Variants in RBFOX1 observed in about 807,000 individuals in gnomAD.
The protein encoded by RBFOX1 is RNA binding protein fox-1 homolog 1.
In RBFOX1, 8 loss-of-function variants were observed where a neutral mutation model predicts 57.7. The observed-to-expected ratio is 0.14, with a 90% CI of 0.08 to 0.25. The LOEUF (loss-of-function observed/expected upper bound fraction) is 0.25. Ranked by LOEUF, RBFOX1 falls within the 10% of genes least tolerant of loss-of-function variation. RBFOX1 has a pLI of 1.00. For synonymous variants in RBFOX1, 326 were observed against 222.4 expected (o/e 1.47, Z -4.15); for missense variants, 611 against 548.5 (o/e 1.11, Z -1.14).
At chr16:6,946,326 A>T (rs958473991) in intron 3 of RBFOX1, among the ~76,000 whole-genome samples, 6 of 152,336 alleles carry the variant, frequency 3.9e-5, no homozygotes, top group Middle Eastern at 3.4e-3. Context: ...TATTTACAAA[A>T]ATAGTCAGTG....
intron 3 of RBFOX1, among the ~76,000 whole-genome samples, chr16:6,987,415 G>A (rs1055005973): frequency 1.3e-5 from 2 of 150,844 alleles, no homozygotes; most frequent in Non-Finnish European, 1.5e-5. Flanking sequence ...TATCTCCCGA[G>A]CCACTAGGCT....
intron 1 of RBFOX1, among the ~76,000 whole-genome samples, chr16:6,046,595 G>A (rs2095498143): frequency 6.7e-6 from 1 of 149,944 alleles, no homozygotes; most frequent in Non-Finnish European, 1.5e-5. Flanking sequence ...ACAGAGAAAA[G>A]TAGATACCAA....
At chr16:6,559,118 T>A (rs966046187) in intron 2 of RBFOX1, among the ~76,000 whole-genome samples, 5 of 129,086 alleles carry the variant, frequency 3.9e-5, no homozygotes, top group African/African-American at 1.2e-4. Context: ...CATATGTGTG[T>A]GTGTGTGTGT....
chr16:5,459,348 A>T (rs1207419525), intron 1 of RBFOX1, among the ~76,000 whole-genome samples: 3 of 152,138 alleles, frequency 2.0e-5, no homozygotes, highest in Non-Finnish European at 4.4e-5. Flanking sequence ...ACTGCATCCC[A>T]TGCAGTGTGG....
chr16:5,492,826 A>T (rs1023681613), intron 2 of RBFOX1, among the ~76,000 whole-genome samples: 3 of 152,214 alleles, frequency 2.0e-5, no homozygotes, highest in African/African-American at 7.2e-5. Flanking sequence ...TAAACCATCA[A>T]TAGTGCGGGG....
At chr16:6,892,091 T>G (rs1436733903) in intron 3 of RBFOX1, among the ~76,000 whole-genome samples, 10 of 152,128 alleles carry the variant, frequency 6.6e-5, no homozygotes, top group African/African-American at 2.2e-4. Flanking sequence ...TTTCTTAGTT[T>G]CCTTTACAGC....
At chr16:6,450,851 A>G (rs1275714683) in intron 2 of RBFOX1, among the ~76,000 whole-genome samples, 2 of 64,946 alleles carry the variant, frequency 3.1e-5, no homozygotes, top group South Asian at 4.0e-4. Flanking sequence ...ATATATATAT[A>G]TATATATATA....
intron 4 of RBFOX1, among the ~76,000 whole-genome samples, chr16:7,153,605 T>C (rs1483695837): frequency 7.3e-6 from 1 of 137,324 alleles, no homozygotes; most frequent in African/African-American, 2.7e-5. Context: ...ATGGTGATGG[T>C]GGTGGGGGGA....
In RBFOX1 at chr16:6,122,956, A is replaced by C. The variant is rs548495490; in HGVS notation, c.-127+102964A>C. 2.3e-4 allele frequency among the ~76,000 whole-genome samples: 30 copies of C among 127,876 alleles called. No homozygotes were observed. The South Asian group carries it at 3.7e-3, about 16-fold the overall frequency. 83.9% of individuals were successfully genotyped at this position (127,876 alleles called of 152,430 possible). ...GAAAAATAAAACAATTTTTCAGCAA[A>C]CCATAAAAAAAAAAACTATTGGAAA... On this transcript the variant is annotated intron_variant, in intron 1 of 15. Transcript: ENST00000550418.
intron 1 of RBFOX1, among the ~76,000 whole-genome samples, chr16:5,356,854 A>G (rs186625372): frequency 2.0e-5 from 3 of 152,314 alleles, no homozygotes; most frequent in Admixed American, 6.5e-5. Context: ...TAGTAATACT[A>G]TTGATAATGT....
intron 1 of RBFOX1, among the ~76,000 whole-genome samples, chr16:6,184,984 T>C (rs2097095947): frequency 6.6e-6 from 1 of 152,148 alleles, no homozygotes. Context: ...GAATTGCAGG[T>C]TTACACTTGT....
chr16:5,570,831 C>T (rs1440761129), intron 2 of RBFOX1, among the ~76,000 whole-genome samples: 2 of 90,424 alleles, frequency 2.2e-5, no homozygotes, highest in Admixed American at 1.3e-4. Flanking sequence ...CAGAGTGAAA[C>T]TCTGTCTCAA....
At chr16:6,555,709 C>A (rs1044998386) in intron 2 of RBFOX1, among the ~76,000 whole-genome samples, 7 of 151,356 alleles carry the variant, frequency 4.6e-5, no homozygotes, top group Admixed American at 3.9e-4. Context: ...GAAAAAAAAA[C>A]AAAACAAAAC....
intron 3 of RBFOX1, among the ~76,000 whole-genome samples, chr16:6,712,574 C>T (rs991765787): frequency 2.0e-5 from 3 of 152,134 alleles, no homozygotes; most frequent in African/African-American, 7.2e-5. Flanking sequence ...AGCTTCAGTC[C>T]AATGTCATCC....
chr16:5,805,011 T>G (rs2055181165), intron 3 of RBFOX1, among the ~76,000 whole-genome samples: 1 of 152,102 alleles, frequency 6.6e-6, no homozygotes, highest in African/African-American at 2.4e-5. Context: ...AGGGCTGCTG[T>G]GACTTGGAGG....
chr16:7,363,204 C>A (rs1198642843), intron 4 of RBFOX1, among the ~76,000 whole-genome samples: 1 of 152,136 alleles, frequency 6.6e-6, no homozygotes, highest in Non-Finnish European at 1.5e-5. Context: ...CCGTCAGCCT[C>A]CATCCTGAGT....
chr16:6,931,953 C>G (rs1283799178), intron 3 of RBFOX1, among the ~76,000 whole-genome samples: 1 of 152,072 alleles, frequency 6.6e-6, no homozygotes, highest in Non-Finnish European at 1.5e-5. Context: ...CTGAAGTCAT[C>G]CTTTTAATCA....
At chr16:5,526,017 C>T (rs1204687194) in intron 2 of RBFOX1, among the ~76,000 whole-genome samples, 1 of 147,522 alleles carries the variant, frequency 6.8e-6, no homozygotes, top group African/African-American at 2.7e-5. Context: ...GGTCTGTGGT[C>T]CCAGGGGGCG....
chr16:6,435,266 C>A (rs944567431), intron 2 of RBFOX1, among the ~76,000 whole-genome samples: 1 of 151,864 alleles, frequency 6.6e-6, no homozygotes, highest in African/African-American at 2.4e-5. Context: ...ATTGCTAGCA[C>A]TCATTTTGTT....
Sources: gnomAD v4.1 joint callset for allele counts (sites outside exome capture counted in the v4.1 genomes callset) on GRCh38, gnomAD v4.1.1 for gene constraint, MANE v1.5 for transcripts, NCBI Gene and HGNC (gene_info 2026-07-23, HGNC 2026-07-21) for gene names.